Variants in COL9A1 observed in about 807,000 individuals in gnomAD.
COL9A1 encodes the protein collagen alpha-1(IX) chain.
In COL9A1, 104 loss-of-function variants were observed where a neutral mutation model predicts 142.6. The observed-to-expected ratio is 0.73, with a 90% CI of 0.62 to 0.86. COL9A1 has a LOEUF of 0.86. COL9A1 is among the 40% of genes least tolerant of loss of function. The pLI, the probability that COL9A1 is intolerant of heterozygous loss-of-function variation, is 0.00. For synonymous variants in COL9A1, 466 were observed against 396.0 expected (o/e 1.18, Z -2.10); for missense variants, 1,210 against 1,176.6 (o/e 1.03, Z -0.42).
intron 36 of COL9A1, among the ~76,000 whole-genome samples, chr6:70,228,108 T>C (rs763522877): frequency 6.6e-6 from 1 of 152,110 alleles, no homozygotes; most frequent in Non-Finnish European, 1.5e-5. Flanking sequence ...AATTTAGTAT[T>C]ATGAAATATA....
At chr6:70,257,048 ATTTTTTTTTTTTTT>A (rs542296705) in intron 20 of COL9A1, among the ~76,000 whole-genome samples, 2 of 105,018 alleles carry the variant, frequency 1.9e-5, no homozygotes, top group African/African-American at 3.9e-5. Flanking sequence ...CCACTCTGTA[ATTTTTTTTTTTTTT>A]TTTTTTTTTT....
intron 37 of COL9A1, among the ~76,000 whole-genome samples, chr6:70,224,736 A>G (rs1458634138): frequency 2.0e-5 from 3 of 152,128 alleles, no homozygotes; most frequent in Non-Finnish European, 2.9e-5. Flanking sequence ...GTATATTAAA[A>G]TCTTCTCTAA....
chr6:70,234,753 G>A lies in COL9A1; in HGVS notation c.2259+41C>T, dbSNP rs200418420. ...AGAACAGCCCTGCTGCTGTGGGATGGAGTCTCCAAAGGGAAACCACAGAAG... is the reference window on the plus strand; with the variant it reads ...AGAACAGCCCTGCTGCTGTGGGATGAAGTCTCCAAAGGGAAACCACAGAAG... On this transcript the variant is annotated intron_variant, in intron 34 of 37. Transcript: ENST00000357250. 3.2e-5 allele frequency: 51 copies of A among 1,613,634 alleles called. No individual in the cohort carries two copies. In the African/African-American group the frequency reaches 4.3e-4, roughly 13 times the overall value.
chr6:70,275,092 T>G lies in COL9A1; in HGVS notation c.976-320A>C. On this transcript the variant is annotated intron_variant, in intron 10 of 37. Coordinates refer to ENST00000357250, the MANE Select transcript of COL9A1 (RefSeq NM_001851.6). The stretch of plus-strand genomic sequence containing the variant: ...AAAATGCAACATAGCAATTACAATG[T>G]TGTAATAGCTAAGACTGGTGGGTCT... 3 of 367,368 alleles carry G rather than the reference T, an allele frequency of 8.2e-6. No individual in the cohort carries two copies. The Admixed American group carries it at 1.3e-4, about 16-fold the overall frequency. 22.8% of individuals were successfully genotyped at this position (367,368 alleles called of 1,614,324 possible). A position where few individuals can be genotyped will look rare whatever the true frequency, so the allele number is the denominator to read the frequency against.
At chr6:70,293,408 T>C (rs1387986850) in intron 5 of COL9A1, among the ~76,000 whole-genome samples, 1 of 152,172 alleles carries the variant, frequency 6.6e-6, no homozygotes, top group Non-Finnish European at 1.5e-5. Context: ...TGTCAACATG[T>C]AATTCCTTAC....
chr6:70,279,805 G>A (rs1366332600), intron 10 of COL9A1: 4 of 457,796 alleles, frequency 8.7e-6, no homozygotes, highest in Non-Finnish European at 1.2e-5. Context: ...CAAAATGAAG[G>A]ATATGTCTTA....
At chr6:70,240,617 A>G (rs975546297) in intron 32 of COL9A1, 72 bp downstream of exon 32, 2 of 988,884 alleles carry the variant, frequency 2.0e-6, no homozygotes, top group African/African-American at 3.4e-5. Flanking sequence ...CTGTGTTAGA[A>G]GTATATATAT....
In COL9A1 at chr6:70,266,768, A is replaced by T. The variant is rs141904957; in HGVS notation, c.1290T>A (p.Gly430=). The T allele has an allele frequency of 2.0e-5, 33 of 1,612,998 alleles. No individual in the cohort carries two copies. Among genetic ancestry groups the T allele is most frequent in the Admixed American group, 3.3e-5 (2 of 59,988 alleles). Residue 430 remains glycine (G), a splice_region_variant and synonymous_variant, in exon 18 of 38, where the codon GGT becomes GGA. Transcript: ENST00000357250. The stretch of plus-strand genomic sequence containing the variant: ...CAATTTCTCCTTTAGCCCCTTTATG[A>T]CCCTAACAAATGCAAAATAAGTAAT... The part of the protein sequence containing the change: ...SGYPGLPGMR[G]HKGAKGEIGE...
rs191329679 is a variant in COL9A1 at position 70,252,572 on chromosome 6, G to A, written c.1765-257C>T. ...TGAGGGGTTTTAGCCTTCAGTTAAG[G>A]GGATCCTCTTCAATTAGAGGATTTT... On this transcript the variant is annotated intron_variant, in intron 26 of 37. Coordinates refer to ENST00000357250, the MANE Select transcript of COL9A1 (RefSeq NM_001851.6). Among the ~76,000 whole-genome samples, 382 of 152,220 alleles carry A rather than the reference G, an allele frequency of 2.5e-3. 1 individual carries two copies. The highest frequency in any genetic ancestry group is 4.1e-3 in the Non-Finnish European group (278 of 68,010).
In COL9A1 at chr6:70,216,738, T is replaced by C; in HGVS notation, c.*159A>G. ...CTTACTGAATAGCACCGTTCTTCTA[T>C]ATGTGATTGTCAAGTAGGACTTCTG... On this transcript the variant is annotated 3_prime_UTR_variant, in exon 38 of 38. Transcript: ENST00000357250. 1 of 757,562 alleles carries C rather than the reference T, an allele frequency of 1.3e-6. No homozygotes were observed. Among genetic ancestry groups the C allele is most frequent in the East Asian group, 2.7e-5 (1 of 36,946 alleles). The allele number at this position is 757,562 out of a possible 1,614,324, so 46.9% of individuals were successfully genotyped here.
Position 70,230,832 on chromosome 6 carries a change from T to G in COL9A1, c.2503+1751A>C, listed in dbSNP as rs370456327. On this transcript the variant is annotated intron_variant, in intron 36 of 37. Transcript: ENST00000357250. ...AGTGGTTTTAAGCTCCTCAGGCAAT[T>G]CCAGTGTGCAGGCAAGGCTGACAAA... is the stretch of plus-strand genomic sequence containing the variant. Among the ~76,000 whole-genome samples, 5 of 152,218 alleles carry G rather than the reference T, an allele frequency of 3.3e-5. No homozygotes were observed. In the South Asian group the frequency reaches 8.3e-4, roughly 25 times the overall value.
intron 28 of COL9A1, among the ~76,000 whole-genome samples, chr6:70,251,835 A>C (rs1199036448): frequency 6.6e-6 from 1 of 152,192 alleles, no homozygotes; most frequent in Non-Finnish European, 1.5e-5. Flanking sequence ...TAGTATGTGA[A>C]TTGTATCTCA....
In COL9A1 at chr6:70,216,986, C is replaced by T. The variant is rs767536535; in HGVS notation, c.2677G>A (p.Gly893Arg). 1.2e-6 allele frequency: 2 copies of T among 1,614,114 alleles called. No homozygotes were observed. Among genetic ancestry groups the T allele is most frequent in the South Asian group, 2.2e-5 (2 of 91,072 alleles). Reference sequence around the variant, plus strand: ...CAGAAACCGGGAAGCCCAGGAGGTCCCGGGGGTCCAGGCACTCCAGGAATT... The same window carrying T: ...CAGAAACCGGGAAGCCCAGGAGGTCTCGGGGGTCCAGGCACTCCAGGAATT... ...AGIPGVPGPP[G>R]PPGLPGFCEP... The change falls in exon 38 of 38, where the codon GGA (glycine) becomes AGA (arginine). Residue 893 changes from glycine to arginine, a missense_variant. Physicochemically the swap from Gly to Arg is moderately radical, Grantham distance 125. Coordinates refer to ENST00000357250, the MANE Select transcript of COL9A1 (RefSeq NM_001851.6).
At chr6:70,248,089 C>T (rs891282626) in intron 28 of COL9A1, among the ~76,000 whole-genome samples, 1 of 152,156 alleles carries the variant, frequency 6.6e-6, no homozygotes, top group African/African-American at 2.4e-5. Flanking sequence ...ATGAACACAA[C>T]CCACTCAGCA....
intron 10 of COL9A1, among the ~76,000 whole-genome samples, chr6:70,276,035 A>G (rs1279833357): frequency 6.6e-6 from 1 of 152,184 alleles, no homozygotes; most frequent in Non-Finnish European, 1.5e-5. Flanking sequence ...TCACAGAGTG[A>G]ATCAAATAGA....
intron 12 of COL9A1, among the ~76,000 whole-genome samples, chr6:70,272,680 A>G (rs1224226302): frequency 2.0e-5 from 3 of 152,078 alleles, no homozygotes; most frequent in African/African-American, 7.2e-5. Flanking sequence ...TTAATATGTT[A>G]TATTTGATTT....
rs757897415 is a variant in COL9A1, at chr6:70,281,017, G to A, written c.899C>T (p.Pro300Leu). The change falls in exon 9 of 38, where the codon CCC (proline) becomes CTC (leucine). Residue 300 changes from proline (P) to leucine (L), a missense_variant. Pro to Leu is a moderately conservative substitution (Grantham distance 98). Coordinates refer to ENST00000357250, the MANE Select transcript of COL9A1 (RefSeq NM_001851.6). ...GIDGDRGPKG[P>L]PGPPGPAGEP... Reference sequence around the variant, plus strand: ...CAATCAACTTACCGGGGGGCCCGGGGGGCCCTTAGGACCTCGGTCACCCTG... The same window carrying A: ...CAATCAACTTACCGGGGGGCCCGGGAGGCCCTTAGGACCTCGGTCACCCTG... The A allele has an allele frequency of 1.6e-5, 26 of 1,613,248 alleles. No individual in the cohort carries two copies. In the South Asian group the frequency reaches 2.5e-4, roughly 16 times the overall value.
intron 33 of COL9A1, among the ~76,000 whole-genome samples, chr6:70,238,809 T>C (rs1044478225): frequency 6.6e-6 from 1 of 152,204 alleles, no homozygotes; most frequent in Non-Finnish European, 1.5e-5. Context: ...AAAGTACAAA[T>C]TTAGACATTT....
intron 10 of COL9A1, among the ~76,000 whole-genome samples, chr6:70,277,359 A>G (rs1405703508): frequency 6.6e-6 from 1 of 152,122 alleles, no homozygotes; most frequent in African/African-American, 2.4e-5. Context: ...AAAAAAATCA[A>G]CTTAACCTGA....
Sources: gnomAD v4.1 joint callset for allele counts (sites outside exome capture counted in the v4.1 genomes callset) on GRCh38, gnomAD v4.1.1 for gene constraint, MANE v1.5 for transcripts, NCBI Gene and HGNC (gene_info 2026-07-23, HGNC 2026-07-21) for gene names.